The following PLAT variants were observed in gnomAD, a reference collection of about 807,000 sequenced individuals.
PLAT encodes plasminogen activator, tissue type, also known as tissue-type plasminogen activator.
In PLAT, 48 loss-of-function variants were observed where a neutral mutation model predicts 74.9. The ratio of observed to expected loss-of-function variants is 0.64; its 90% CI spans 0.51 to 0.82. PLAT has a LOEUF of 0.82. Ranked by LOEUF, PLAT falls within the 40% of genes least tolerant of loss-of-function variation. The pLI is 0.00. For synonymous variants in PLAT, 307 were observed against 294.4 expected (o/e 1.04, Z -0.44); for missense variants, 673 against 736.2 (o/e 0.91, Z 0.99).
chr8:42,186,413 A>G (rs1805459686), intron 6 of PLAT: 1 of 152,212 alleles, frequency 6.6e-6, no homozygotes, highest in South Asian at 2.1e-4. Flanking sequence ...CTGATCAAGG[A>G]CTCAGAATAC....
rs140537859 is a variant in PLAT at position 42,194,215 on chromosome 8, T to TGAGAGAGA, written c.-26-1012_-26-1005dup. ...TCAGGCATGTGCCACTGTGCCTGGC[T>TGAGAGAGA]GAGAGAGAGAGAGAGAGAGAGAGAG... is the stretch of plus-strand genomic sequence containing the variant. On this transcript the variant is annotated intron_variant, in intron 1 of 13. Coordinates refer to ENST00000220809, the MANE Select transcript of PLAT (RefSeq NM_000930.5). Among the ~76,000 whole-genome samples, 386 of 119,862 alleles carry TGAGAGAGA rather than the reference T, an allele frequency of 3.2e-3. 2 individuals are homozygous for TGAGAGAGA. Among genetic ancestry groups the TGAGAGAGA allele is most frequent in the African/African-American group, 0.015 (334 of 21,866 alleles). 78.6% of individuals were successfully genotyped at this position (119,862 alleles called of 152,430 possible). A position where few individuals can be genotyped will look rare whatever the true frequency, so the allele number is the denominator to read the frequency against.
chr8:42,189,441 C>T (rs1375386383), intron 3 of PLAT, among the ~76,000 whole-genome samples: 1 of 151,738 alleles, frequency 6.6e-6, no homozygotes, highest in Admixed American at 6.6e-5. Flanking sequence ...TTGCTTGAAC[C>T]CAGGAAGTGG....
At chr8:42,180,164 G>A in intron 11 of PLAT, 78 bp downstream of exon 11, 1 of 1,593,042 alleles carries the variant, frequency 6.3e-7, no homozygotes, top group Non-Finnish European at 8.6e-7. Flanking sequence ...GGAGGCCCGT[G>A]TGTGTAAACA....
chr8:42,202,804 T>C (rs1391611228), intron 1 of PLAT, among the ~76,000 whole-genome samples: 1 of 151,902 alleles, frequency 6.6e-6, no homozygotes, highest in African/African-American at 2.4e-5. Flanking sequence ...CCCAGGCTTG[T>C]TGAGGTTGGG....
chr8:42,201,574 C>T lies in PLAT; in HGVS notation c.-27+5920G>A, dbSNP rs144412180. Among the ~76,000 whole-genome samples, 32 of 152,288 alleles carry T rather than the reference C, an allele frequency of 2.1e-4. No homozygotes were observed. The East Asian group carries it at 3.9e-3, about 18-fold the overall frequency. The stretch of plus-strand genomic sequence containing the variant: ...GTGTTAGCCTATAACCAATTCTCTG[C>T]AATTGATGTAGAATTTTGTGCCTTC... On this transcript the variant is annotated intron_variant, in intron 1 of 13. Coordinates refer to ENST00000220809, the MANE Select transcript of PLAT (RefSeq NM_000930.5).
intron 1 of PLAT, among the ~76,000 whole-genome samples, chr8:42,204,962 C>A (rs1777547737): frequency 6.6e-6 from 1 of 152,276 alleles, no homozygotes. Flanking sequence ...AGGGAAAAGC[C>A]AAGCTGGGAA....
chr8:42,194,241 A>AGAGAGAGTGTGT (rs1419569830), intron 1 of PLAT, among the ~76,000 whole-genome samples: 16 of 52,544 alleles, frequency 3.0e-4, no homozygotes, highest in African/African-American at 1.0e-3. Context: ...AGAGAGAGAG[A>AGAGAGAGTGTGT]GTGTGTGTGT....
intron 6 of PLAT, chr8:42,186,439 A>G (rs1276874919): frequency 1.3e-5 from 2 of 152,166 alleles, no homozygotes; most frequent in East Asian, 3.8e-4. Context: ...TTTGTCTCTT[A>G]TCTACCTATG....
At chr8:42,191,069 C>G (rs1805663090) in intron 3 of PLAT, among the ~76,000 whole-genome samples, 2 of 152,088 alleles carry the variant, frequency 1.3e-5, no homozygotes, top group African/African-American at 4.8e-5. Flanking sequence ...ATCTGTATAA[C>G]CAGGACCTTG....
chr8:42,199,862 T>G (rs1806060314), intron 1 of PLAT, among the ~76,000 whole-genome samples: 1 of 152,234 alleles, frequency 6.6e-6, no homozygotes, highest in South Asian at 2.1e-4. Context: ...GAAATGAATG[T>G]CATCTTCCGT....
chr8:42,205,970 G>A (rs1427887104), intron 1 of PLAT, among the ~76,000 whole-genome samples: 1 of 152,216 alleles, frequency 6.6e-6, no homozygotes, highest in Non-Finnish European at 1.5e-5. Flanking sequence ...GCAACGTCAG[G>A]CCCTGGGGGA....
At chr8:42,194,399 T>A (rs1307033273) in intron 1 of PLAT, among the ~76,000 whole-genome samples, 1 of 152,060 alleles carries the variant, frequency 6.6e-6, no homozygotes, top group Non-Finnish European at 1.5e-5. Context: ...GCGCCCAGCA[T>A]TTTTCCTTCC....
At chr8:42,198,445 T>C (rs959909534) in intron 1 of PLAT, among the ~76,000 whole-genome samples, 3 of 152,194 alleles carry the variant, frequency 2.0e-5, no homozygotes, top group East Asian at 1.9e-4. Context: ...TGAGCCAAGA[T>C]TGCGCTACTG....
chr8:42,198,569 C>T (rs1383809558), intron 1 of PLAT, among the ~76,000 whole-genome samples: 4 of 152,182 alleles, frequency 2.6e-5, no homozygotes, highest in Non-Finnish European at 4.4e-5. Flanking sequence ...ACAGTGCAGT[C>T]GCTCCAGATG....
At position 42,179,990 on chromosome 8, in the gene PLAT, C is replaced by CG; in HGVS notation, c.1298dup (p.Ala434GlyfsTer12). The CG allele has an allele frequency of 6.2e-7, 1 of 1,608,920 alleles. No individual in the cohort carries two copies. Among genetic ancestry groups the CG allele is most frequent in the South Asian group, 1.1e-5 (1 of 90,364 alleles). ...TCCAGTCCGGCAGCTGCAGGTCCGC[C>CG]GGGGGAAGGCACACAGTGCGGACCA... On this transcript the variant is annotated frameshift_variant, in exon 12 of 14. Coordinates refer to ENST00000220809, the MANE Select transcript of PLAT (RefSeq NM_000930.5). LOFTEE classifies it high-confidence loss of function.
chr8:42,174,949 C>G lies in PLAT; in HGVS notation c.*1044G>C, dbSNP rs1317493981. On this transcript the variant is annotated 3_prime_UTR_variant, in exon 14 of 14. Transcript: ENST00000220809. ...TTTTTCCTTAAGATTCTATTTTTTC[C>G]TTAAGATTCCCCAATCCCTCTTGCA... Among the ~76,000 whole-genome samples, 1 of 151,766 alleles carries G rather than the reference C, an allele frequency of 6.6e-6. No homozygotes were observed. Among genetic ancestry groups the G allele is most frequent in the East Asian group, 1.9e-4 (1 of 5,188 alleles).
chr8:42,183,026 C>G (rs1434335628), intron 7 of PLAT, 136 bp from the exon 8 acceptor site: 1 of 614,446 alleles, frequency 1.6e-6, no homozygotes, highest in African/African-American at 1.9e-5. Context: ...TGTAACACCT[C>G]ACACTTCCCC....
At chr8:42,191,817 A>G (rs897375944) in intron 2 of PLAT, among the ~76,000 whole-genome samples, 2 of 152,036 alleles carry the variant, frequency 1.3e-5, no homozygotes, top group Non-Finnish European at 2.9e-5. Flanking sequence ...TACTCCACGC[A>G]GTCACCTGGC....
At chr8:42,186,944 CTG>C (rs1563257426) in intron 6 of PLAT, 1 of 153,022 alleles carries the variant, frequency 6.5e-6, no homozygotes, top group Admixed American at 6.5e-5. Context: ...ATCTGTCAAT[CTG>C]TCTATCATCT....
Sources: gnomAD v4.1 joint callset for allele counts (sites outside exome capture counted in the v4.1 genomes callset) on GRCh38, gnomAD v4.1.1 for gene constraint, MANE v1.5 for transcripts, NCBI Gene and HGNC (gene_info 2026-07-23, HGNC 2026-07-21) for gene names.